Variants in PDZRN3 observed in about 807,000 individuals in gnomAD.
The protein encoded by PDZRN3 is E3 ubiquitin-protein ligase PDZRN3.
Under a neutral mutation model 85.7 loss-of-function variants are expected in PDZRN3, and 38 were observed. The observed-to-expected ratio is 0.44, with a 90% confidence interval of 0.34 to 0.58. The LOEUF (loss-of-function observed/expected upper bound fraction) is 0.58, where lower values mean the gene tolerates loss of function less well. Among genes scored for constraint, PDZRN3 ranks in the 20% least tolerant of loss-of-function variants. The pLI is 0.01. For missense variants in PDZRN3, 1,629 were observed against 1,506.4 expected (o/e 1.08, Z -1.35); for synonymous variants, 759 against 638.0 (o/e 1.19, Z -2.86).
chr3:73,478,485 T>A (rs1327997286), intron 3 of PDZRN3, among the ~76,000 whole-genome samples: 6 of 152,106 alleles, frequency 3.9e-5, no homozygotes, highest in Non-Finnish European at 8.8e-5. Context: ...AGGCTCCCAC[T>A]GATTCTAGAT....
chr3:73,538,252 C>T (rs557781306), intron 3 of PDZRN3, among the ~76,000 whole-genome samples: 85 of 152,338 alleles, frequency 5.6e-4, no homozygotes, highest in African/African-American at 2.0e-3. Flanking sequence ...CTAATTACTT[C>T]TGAATGAAAA....
intron 3 of PDZRN3, among the ~76,000 whole-genome samples, chr3:73,442,626 TGTG>T (rs996500519): frequency 3.9e-4 from 59 of 152,198 alleles, no homozygotes; most frequent in African/African-American, 1.4e-3. Flanking sequence ...AGTGGGCTGT[TGTG>T]GTGTCTTTAA....
chr3:73,589,378 T>A (rs1371755536), intron 3 of PDZRN3, among the ~76,000 whole-genome samples: 1 of 152,208 alleles, frequency 6.6e-6, no homozygotes, highest in African/African-American at 2.4e-5. Context: ...AATATTCTGA[T>A]CATGACAAAA....
At chr3:73,594,645 C>T (rs1702407546) in intron 3 of PDZRN3, among the ~76,000 whole-genome samples, 1 of 152,114 alleles carries the variant, frequency 6.6e-6, no homozygotes, top group Non-Finnish European at 1.5e-5. Flanking sequence ...CTAAATGGTT[C>T]TTTCCATTTC....
rs745582086 is a variant in PDZRN3, at chr3:73,384,973, G to C, written c.1636-43C>G. Reference sequence around the variant, plus strand: ...CAAAGGGTCACAGTGAGGGAGGCCTGCGCAGCAGGTACTCAGGTTTGACCT... The same window carrying C: ...CAAAGGGTCACAGTGAGGGAGGCCTCCGCAGCAGGTACTCAGGTTTGACCT... On this transcript the variant is annotated intron_variant, in intron 9 of 9. Coordinates refer to ENST00000263666, the MANE Select transcript of PDZRN3 (RefSeq NM_015009.3). The C allele has an allele frequency of 1.9e-6, 3 of 1,545,438 alleles. No individual in the cohort carries two copies. The South Asian group carries it at 3.8e-5, about 20-fold the overall frequency.
At chr3:73,533,917 C>A (rs1371667193) in intron 3 of PDZRN3, among the ~76,000 whole-genome samples, 1 of 151,980 alleles carries the variant, frequency 6.6e-6, no homozygotes, top group Non-Finnish European at 1.5e-5. Flanking sequence ...GTAGTCCCTA[C>A]CCCCAATTCC....
chr3:73,417,010 G>C (rs1388139350), intron 3 of PDZRN3, among the ~76,000 whole-genome samples: 3 of 149,236 alleles, frequency 2.0e-5, no homozygotes, highest in Non-Finnish European at 3.0e-5. Context: ...TTATGCCTCA[G>C]CCTCCTGATG....
chr3:73,546,062 T>C (rs542785825), intron 3 of PDZRN3, among the ~76,000 whole-genome samples: 131 of 152,312 alleles, frequency 8.6e-4, no homozygotes, highest in Non-Finnish European at 9.4e-4. Flanking sequence ...TTGGGCCTCC[T>C]GTGTCTTATT....
intron 3 of PDZRN3, among the ~76,000 whole-genome samples, chr3:73,495,953 T>TC: frequency 6.6e-6 from 1 of 151,648 alleles, no homozygotes; most frequent in Non-Finnish European, 1.5e-5. Context: ...TCCCTACCCT[T>TC]CCCCCTATCC....
At chr3:73,615,692 G>A (rs915275436) in intron 1 of PDZRN3, among the ~76,000 whole-genome samples, 28 of 152,064 alleles carry the variant, frequency 1.8e-4, no homozygotes, top group African/African-American at 5.3e-4. Flanking sequence ...CCAAAATTAC[G>A]AGAAATAAAT....
intron 3 of PDZRN3, among the ~76,000 whole-genome samples, chr3:73,468,002 G>A (rs545882049): frequency 9.2e-4 from 140 of 152,232 alleles, no homozygotes; most frequent in African/African-American, 3.3e-3. Flanking sequence ...TTTGCAAGAT[G>A]AGAAAATCCT....
intron 3 of PDZRN3, among the ~76,000 whole-genome samples, chr3:73,439,533 A>T (rs1351051575): frequency 6.6e-6 from 1 of 152,150 alleles, no homozygotes; most frequent in Non-Finnish European, 1.5e-5. Flanking sequence ...CTATTTAGTG[A>T]GTGGCCACTG....
chr3:73,422,542 A>G (rs1236316371), intron 3 of PDZRN3, among the ~76,000 whole-genome samples: 5 of 152,212 alleles, frequency 3.3e-5, no homozygotes, highest in African/African-American at 1.2e-4. Flanking sequence ...GCACTTGTTA[A>G]TTCAAGGATA....
intron 3 of PDZRN3, among the ~76,000 whole-genome samples, chr3:73,588,553 C>T (rs1265550793): frequency 6.6e-6 from 1 of 152,150 alleles, no homozygotes; most frequent in Non-Finnish European, 1.5e-5. Flanking sequence ...CTGTTTCCCA[C>T]CACTGTCCTG....
intron 3 of PDZRN3, among the ~76,000 whole-genome samples, chr3:73,589,696 A>G (rs1030442374): frequency 8.5e-5 from 13 of 152,190 alleles, no homozygotes; most frequent in African/African-American, 3.1e-4. Flanking sequence ...CATCTGCCCA[A>G]AGGATTCTCC....
intron 3 of PDZRN3, chr3:73,408,362 A>T (rs1469655211): frequency 3.3e-6 from 2 of 603,942 alleles, no homozygotes; most frequent in Admixed American, 5.6e-5. Context: ...ATTTACTAAG[A>T]CTCCAGTGCT....
intron 3 of PDZRN3, among the ~76,000 whole-genome samples, chr3:73,475,538 A>C (rs980543679): frequency 6.6e-6 from 1 of 152,264 alleles, no homozygotes; most frequent in African/African-American, 2.4e-5. Context: ...AAATTAAAAA[A>C]TAAACATTCT....
chr3:73,500,548 T>G (rs1311517998), intron 3 of PDZRN3, among the ~76,000 whole-genome samples: 1 of 152,176 alleles, frequency 6.6e-6, no homozygotes, highest in African/African-American at 2.4e-5. Context: ...ATATAAGTGT[T>G]GTTGCCAGAA....
chr3:73,524,382 A>T (rs750745317), intron 3 of PDZRN3, among the ~76,000 whole-genome samples: 3 of 152,196 alleles, frequency 2.0e-5, no homozygotes, highest in Non-Finnish European at 4.4e-5. Flanking sequence ...CCAGCTATCA[A>T]GGCAATCACA....
Sources: gnomAD v4.1 joint callset for allele counts (sites outside exome capture counted in the v4.1 genomes callset) on GRCh38, gnomAD v4.1.1 for gene constraint, MANE v1.5 for transcripts, NCBI Gene and HGNC (gene_info 2026-07-23, HGNC 2026-07-21) for gene names.